The following MYO1E variants were observed in gnomAD, a reference collection of about 807,000 sequenced individuals.
The protein encoded by MYO1E is unconventional myosin-Ie.
A neutral mutation model predicts 151.1 loss-of-function variants in MYO1E; 68 were observed. That is an observed-to-expected ratio of 0.45 (90% CI 0.37 to 0.55). The LOEUF (loss-of-function observed/expected upper bound fraction) is 0.55. Among genes scored for constraint, MYO1E ranks in the 20% least tolerant of loss-of-function variants. The pLI is 0.00. For synonymous variants in MYO1E, 601 were observed against 501.7 expected (o/e 1.20, Z -2.64); for missense variants, 1,363 against 1,389.3 (o/e 0.98, Z 0.30).
At chr15:59,284,669 C>T (rs1079202) in intron 1 of MYO1E, among the ~76,000 whole-genome samples, 74,050 of 148,648 alleles carry the variant, frequency 0.5, 21,146 homozygotes, top group Middle Eastern at 0.67. Context: ...GAGACAGGGT[C>T]CCACTGTGTT....
chr15:59,307,052 G>A (rs745912633), intron 1 of MYO1E, among the ~76,000 whole-genome samples: 2 of 152,202 alleles, frequency 1.3e-5, no homozygotes, highest in Non-Finnish European at 2.9e-5. Flanking sequence ...AAGAGGCACT[G>A]GGAAAGTCTT....
chr15:59,156,206 C>G (rs146200037), intron 25 of MYO1E, among the ~76,000 whole-genome samples: 1 of 152,088 alleles, frequency 6.6e-6, no homozygotes, highest in Non-Finnish European at 1.5e-5. Flanking sequence ...TATTTTTGAG[C>G]CAGAGTGTTG....
intron 1 of MYO1E, among the ~76,000 whole-genome samples, chr15:59,311,968 A>C (rs2080555312): frequency 6.6e-6 from 1 of 152,190 alleles, no homozygotes; most frequent in Non-Finnish European, 1.5e-5. Flanking sequence ...CTCGATCATG[A>C]ACTTCCCAGC....
At chr15:59,145,511 C>T (rs552715365) in intron 26 of MYO1E, among the ~76,000 whole-genome samples, 15 of 152,168 alleles carry the variant, frequency 9.9e-5, no homozygotes, top group East Asian at 1.9e-4. Context: ...CTCAGCCTCC[C>T]GAGTAGCTGG....
At chr15:59,337,045 T>G (rs978529485) in intron 1 of MYO1E, among the ~76,000 whole-genome samples, 15 of 152,160 alleles carry the variant, frequency 9.9e-5, no homozygotes, top group African/African-American at 3.4e-4. Context: ...AAATCTATGC[T>G]TATATAATAC....
chr15:59,336,361 A>T (rs1001513515), intron 1 of MYO1E, among the ~76,000 whole-genome samples: 1 of 151,976 alleles, frequency 6.6e-6, no homozygotes, highest in Non-Finnish European at 1.5e-5. Context: ...TGGGAGTGAA[A>T]CGCTGTCTCA....
chr15:59,188,353 C>T, intron 17 of MYO1E, 137 bp from the exon 18 acceptor site: 2 of 734,522 alleles, frequency 2.7e-6, no homozygotes, highest in Non-Finnish European at 4.9e-6. Context: ...AGTGTTCAAA[C>T]ACTGAGCTGA....
chr15:59,353,794 A>C (rs1185062513), intron 1 of MYO1E, among the ~76,000 whole-genome samples: 2 of 151,842 alleles, frequency 1.3e-5, no homozygotes, highest in African/African-American at 4.8e-5. Flanking sequence ...AAAAACGCAA[A>C]GGTAAAGAAA....
chr15:59,274,467 G>A (rs2080306423), intron 1 of MYO1E, among the ~76,000 whole-genome samples: 1 of 152,022 alleles, frequency 6.6e-6, no homozygotes, highest in Non-Finnish European at 1.5e-5. Context: ...CAGCTTTCTG[G>A]GCACCCACGG....
intron 1 of MYO1E, among the ~76,000 whole-genome samples, chr15:59,318,345 G>C (rs1214074183): frequency 6.6e-6 from 1 of 152,142 alleles, no homozygotes; most frequent in Admixed American, 6.5e-5. Flanking sequence ...GTATGCAATA[G>C]AATTGAGCCC....
In MYO1E at chr15:59,181,036, C is replaced by T. The variant is rs191807325; in HGVS notation, c.1905-2499G>A. Among the ~76,000 whole-genome samples the T allele has an allele frequency of 2.5e-3, 387 of 152,138 alleles. 5 individuals are homozygous for T. The highest frequency in any genetic ancestry group is 8.8e-3 in the African/African-American group (365 of 41,494). Reference sequence around the variant, plus strand: ...TTCTCAGAGGAAATGCAGCTGGGACCCCAGGGACTCCCAGCTGCTGGCACT... The same window carrying T: ...TTCTCAGAGGAAATGCAGCTGGGACTCCAGGGACTCCCAGCTGCTGGCACT... On this transcript the variant is annotated intron_variant, in intron 18 of 27. Coordinates refer to ENST00000288235, the MANE Select transcript of MYO1E (RefSeq NM_004998.4).
chr15:59,182,473 A>G (rs749788269), intron 18 of MYO1E, among the ~76,000 whole-genome samples: 7 of 152,312 alleles, frequency 4.6e-5, no homozygotes, highest in Middle Eastern at 3.4e-3. Flanking sequence ...GCGGCCTCCC[A>G]AAGTGCTGCG....
At position 59,236,749 on chromosome 15, in the gene MYO1E, AAAACAAAC is replaced by A. The variant is rs560408029; in HGVS notation, c.333-85_333-78del. On this transcript the variant is annotated intron_variant, in intron 4 of 27. Transcript: ENST00000288235. ...CCCTTCCTTGTCTCCCCCATCACAC[AAAACAAAC>A]AAACAAACAAAAAAACAAAAAAAAC... 6 of 1,299,744 alleles carry A rather than the reference AAAACAAAC, an allele frequency of 4.6e-6. No homozygotes were observed. The Admixed American group carries it at 8.5e-5, about 18-fold the overall frequency. The allele number at this position is 1,299,744 out of a possible 1,614,324, so 80.5% of individuals were successfully genotyped here. A position where few individuals can be genotyped will look rare whatever the true frequency, so the allele number is the denominator to read the frequency against.
intron 1 of MYO1E, among the ~76,000 whole-genome samples, chr15:59,317,451 C>T (rs551573541): frequency 1.3e-5 from 2 of 152,146 alleles, no homozygotes; most frequent in South Asian, 2.1e-4. Context: ...CTAAGGGCAA[C>T]GCAACAGAGA....
rs544294970 is a variant in MYO1E at position 59,236,973 on chromosome 15, G to A, written c.333-301C>T. ...GGGATATGATTAGGAAAATTATGGA[G>A]TATCACAAGGGTGGAATTCTACATA... is the stretch of plus-strand genomic sequence containing the variant. On this transcript the variant is annotated intron_variant, in intron 4 of 27. Transcript: ENST00000288235. 4.6e-5 allele frequency among the ~76,000 whole-genome samples: 7 copies of A among 152,228 alleles called. 1 individual carries two copies. Among genetic ancestry groups the A allele is most frequent in the South Asian group, 2.1e-4 (1 of 4,830 alleles).
chr15:59,370,767 A>C (rs2080939890), intron 1 of MYO1E, among the ~76,000 whole-genome samples: 1 of 152,216 alleles, frequency 6.6e-6, no homozygotes, highest in Non-Finnish European at 1.5e-5. Flanking sequence ...AACTGAGGGG[A>C]AGTTAATTTC....
chr15:59,296,398 C>G (rs202235523), intron 1 of MYO1E, among the ~76,000 whole-genome samples: 2 of 152,220 alleles, frequency 1.3e-5, no homozygotes, highest in East Asian at 3.8e-4. Flanking sequence ...CAAAACAGAT[C>G]TGTTTTCCTA....
chr15:59,290,903 G>C (rs1405799336), intron 1 of MYO1E, among the ~76,000 whole-genome samples: 1 of 152,174 alleles, frequency 6.6e-6, no homozygotes, highest in Non-Finnish European at 1.5e-5. Context: ...TTATCTCAAA[G>C]CAGTAATAGT....
intron 9 of MYO1E, among the ~76,000 whole-genome samples, chr15:59,219,209 G>C (rs186806833): frequency 2.6e-5 from 4 of 152,132 alleles, no homozygotes; most frequent in East Asian, 1.9e-4. Context: ...ACCAAGGAGG[G>C]CTAGTGATAT....
Sources: allele counts gnomAD v4.1 joint callset (sites outside exome capture counted in the v4.1 genomes callset), GRCh38; gene constraint gnomAD v4.1.1; transcripts MANE v1.5; gene names NCBI Gene and HGNC (gene_info 2026-07-23, HGNC 2026-07-21).